The following ANGPT2 variants were observed in gnomAD, a reference collection of about 807,000 sequenced individuals.
The protein encoded by ANGPT2 is angiopoietin 2, also known as angiopoietin-2.
A neutral mutation model predicts 62.9 loss-of-function variants in ANGPT2; 28 were observed. That is an observed-to-expected ratio of 0.44 (90% CI 0.33 to 0.61). The LOEUF (loss-of-function observed/expected upper bound fraction) is 0.61, where lower values mean the gene tolerates loss of function less well. Among genes scored for constraint, ANGPT2 ranks in the 20% least tolerant of loss-of-function variants. The probability of loss-of-function intolerance (pLI) is 0.03; values close to 1 mark genes in which losing one functional copy is unlikely to be tolerated. For missense variants in ANGPT2, 727 were observed against 594.9 expected (o/e 1.22, Z -2.31); for synonymous variants, 284 against 207.8 (o/e 1.37, Z -3.15).
chr8:6,519,250 G>T (rs954081647), intron 5 of ANGPT2, among the ~76,000 whole-genome samples: 1 of 152,106 alleles, frequency 6.6e-6, no homozygotes, highest in Admixed American at 6.5e-5. Context: ...AAGTCCACAG[G>T]TTGAAACTGT....
intron 1 of ANGPT2, among the ~76,000 whole-genome samples, chr8:6,555,377 C>A (rs1454207108): frequency 6.6e-6 from 1 of 152,112 alleles, no homozygotes; most frequent in African/African-American, 2.4e-5. Context: ...CAGAACAGGG[C>A]TGTAACTAGA....
chr8:6,521,954 G>A (rs556010635), intron 3 of ANGPT2, among the ~76,000 whole-genome samples: 1 of 152,302 alleles, frequency 6.6e-6, no homozygotes, highest in South Asian at 2.1e-4. Flanking sequence ...CCAGCCCTGC[G>A]ACTTGGAACA....
chr8:6,503,020 G>C lies in ANGPT2; in HGVS notation c.*81C>G, dbSNP rs1812499756. On this transcript the variant is annotated 3_prime_UTR_variant, in exon 9 of 9. Coordinates refer to ENST00000629816, the MANE Select transcript of ANGPT2 (RefSeq NM_001118887.2). ...GCCCTCTGTGGTGGAAGAGGACACA[G>C]TGCGCAGCCGTGACTTTCAGTGCAC... 6.5e-7 allele frequency: 1 copy of C among 1,533,892 alleles called. No homozygotes were observed. Among genetic ancestry groups the C allele is most frequent in the Non-Finnish European group, 8.9e-7 (1 of 1,120,602 alleles).
chr8:6,511,875 G>T (rs1409477599), intron 7 of ANGPT2, among the ~76,000 whole-genome samples: 1 of 150,150 alleles, frequency 6.7e-6, no homozygotes, highest in African/African-American at 2.5e-5. Flanking sequence ...TATACAAACA[G>T]CCTAATCCTT....
At chr8:6,535,270 A>G (rs1380647880) in intron 1 of ANGPT2, among the ~76,000 whole-genome samples, 2 of 152,132 alleles carry the variant, frequency 1.3e-5, no homozygotes, top group South Asian at 2.1e-4. Context: ...TGTGTTTGCA[A>G]CTCTCCAGAG....
At chr8:6,506,264 A>C (rs1289748089) in intron 8 of ANGPT2, among the ~76,000 whole-genome samples, 1 of 152,052 alleles carries the variant, frequency 6.6e-6, no homozygotes, top group Non-Finnish European at 1.5e-5. Context: ...GTTGCTGTCC[A>C]TGCAAAATGG....
At chr8:6,548,627 C>G (rs1016090795) in intron 1 of ANGPT2, among the ~76,000 whole-genome samples, 1 of 151,874 alleles carries the variant, frequency 6.6e-6, no homozygotes, top group South Asian at 2.1e-4. Context: ...TAATGATGGC[C>G]GTAAGTCATA....
chr8:6,532,867 G>A (rs1005484146), intron 1 of ANGPT2, among the ~76,000 whole-genome samples: 3 of 152,194 alleles, frequency 2.0e-5, no homozygotes, highest in Non-Finnish European at 4.4e-5. Flanking sequence ...TGACCATGCA[G>A]TCAGGAAATG....
intron 3 of ANGPT2, among the ~76,000 whole-genome samples, chr8:6,522,330 G>A (rs1013341345): frequency 6.6e-6 from 1 of 151,950 alleles, no homozygotes; most frequent in Non-Finnish European, 1.5e-5. Context: ...ACTCCAGCCT[G>A]GGCGACAGAG....
At chr8:6,532,239 GT>G in intron 2 of ANGPT2, 92 bp downstream of exon 2, 1 of 1,451,246 alleles carries the variant, frequency 6.9e-7, no homozygotes, top group Non-Finnish European at 9.4e-7. Context: ...GCTTTCTTTA[GT>G]TTCTCATGCC....
chr8:6,518,844 C>G (rs772965758), intron 5 of ANGPT2, among the ~76,000 whole-genome samples: 2 of 152,104 alleles, frequency 1.3e-5, no homozygotes, highest in Non-Finnish European at 2.9e-5. Flanking sequence ...CACACTGATT[C>G]TCCTGTAATA....
chr8:6,513,323 C>T (rs1443232652), intron 7 of ANGPT2, among the ~76,000 whole-genome samples: 8 of 149,668 alleles, frequency 5.3e-5, no homozygotes, highest in African/African-American at 1.7e-4. Flanking sequence ...TTTTTTTTTT[C>T]TTTTTCTTTT....
At chr8:6,510,905 G>T (rs1317486803) in intron 7 of ANGPT2, among the ~76,000 whole-genome samples, 2 of 152,208 alleles carry the variant, frequency 1.3e-5, no homozygotes, top group Non-Finnish European at 2.9e-5. Flanking sequence ...TCAAAAGTGA[G>T]ACTGGCCGTA....
In ANGPT2 at chr8:6,503,122, C is replaced by T; in HGVS notation, c.1467G>A (p.Met489Ile). 1 of 1,614,168 alleles carries T rather than the reference C, an allele frequency of 6.2e-7. No individual in the cohort carries two copies. The highest frequency in any genetic ancestry group is 1.3e-5 in the African/African-American group (1 of 75,046). The change falls in exon 9 of 9, where the codon ATG (methionine) becomes ATA (isoleucine). Residue 489 changes from methionine to isoleucine, a missense_variant. Transcript: ENST00000629816. ...ATGTTTAGAAATCTGCTGGTCGGAT[C>T]ATCATGGTTGTGGCCTTGAGCGAAT... ...SGYSLKATTM[M>I]IRPADF
At position 6,503,040 on chromosome 8, in the gene ANGPT2, G is replaced by C. The variant is rs889315592; in HGVS notation, c.*61C>G. 31 of 1,595,148 alleles carry C rather than the reference G, an allele frequency of 1.9e-5. No individual in the cohort carries two copies. Among genetic ancestry groups the C allele is most frequent in the Admixed American group, 6.7e-5 (4 of 59,492 alleles). ...ACACAGTGCGCAGCCGTGACTTTCA[G>C]TGCACTGGGCTTAAGTCTTTGAAAA... On this transcript the variant is annotated 3_prime_UTR_variant, in exon 9 of 9. Transcript: ENST00000629816.
chr8:6,510,768 G>C (rs1563318084), intron 7 of ANGPT2, among the ~76,000 whole-genome samples: 1 of 152,176 alleles, frequency 6.6e-6, no homozygotes, highest in Non-Finnish European at 1.5e-5. Flanking sequence ...AAAAGATGAG[G>C]GTAGGGCCAT....
At chr8:6,558,337 G>A (rs1005703833) in intron 1 of ANGPT2, among the ~76,000 whole-genome samples, 2 of 152,050 alleles carry the variant, frequency 1.3e-5, no homozygotes, top group Non-Finnish European at 2.9e-5. Context: ...TTTTTACCTT[G>A]CCCATATCTT....
At chr8:6,509,719 A>G (rs1035845333) in intron 7 of ANGPT2, among the ~76,000 whole-genome samples, 6 of 152,186 alleles carry the variant, frequency 3.9e-5, no homozygotes, top group African/African-American at 1.4e-4. Context: ...TTCTGTTGAA[A>G]ATGTTGTATA....
At chr8:6,562,373 C>T (rs537178450) in intron 1 of ANGPT2, among the ~76,000 whole-genome samples, 1 of 152,120 alleles carries the variant, frequency 6.6e-6, no homozygotes, top group East Asian at 1.9e-4. Flanking sequence ...ATTTCCTCTA[C>T]CTTGTTAATA....
Sources: allele counts gnomAD v4.1 joint callset (sites outside exome capture counted in the v4.1 genomes callset), GRCh38; gene constraint gnomAD v4.1.1; transcripts MANE v1.5; gene names NCBI Gene and HGNC (gene_info 2026-07-23, HGNC 2026-07-21).